The following RIPK4 variants were observed in gnomAD, a reference collection of about 807,000 sequenced individuals.
RIPK4 encodes the protein receptor interacting serine/threonine kinase 4.
A neutral mutation model predicts 42.9 loss-of-function variants in RIPK4; 17 were observed. The observed-to-expected ratio is 0.40, with a 90% CI of 0.27 to 0.59. RIPK4 has a LOEUF of 0.59. Among genes scored for constraint, RIPK4 ranks in the 20% least tolerant of loss-of-function variants. The pLI, the probability that RIPK4 is intolerant of heterozygous loss-of-function variation, is 0.47. For missense variants in RIPK4, 897 were observed against 1,104.4 expected, an observed-to-expected ratio of 0.81 and a Z score of 2.66; for synonymous variants, 498 against 499.1, an observed-to-expected ratio of 1.00 and a Z score of 0.03.
At chr21:41,762,388 T>C (rs2061223292) in intron 1 of RIPK4, among the ~76,000 whole-genome samples, 1 of 152,100 alleles carries the variant, frequency 6.6e-6, no homozygotes, top group African/African-American at 2.4e-5. Flanking sequence ...CCTCAGAAAC[T>C]TTCCACACTG....
Position 41,755,380 on chromosome 21 carries a change from C to T in RIPK4, c.474+1145G>A, listed in dbSNP as rs2061200236. Among the ~76,000 whole-genome samples the T allele has an allele frequency of 6.6e-6, 1 of 152,200 alleles. No homozygotes were observed. The highest frequency in any genetic ancestry group is 1.5e-5 in the Non-Finnish European group (1 of 68,032). On this transcript the variant is annotated intron_variant, in intron 2 of 7. Transcript: ENST00000332512. This position sits in a 1 kb window ranked among gnomAD's most constrained non-coding sequence, Gnocchi z 4.2. ...GAAAAATTGACCTCCTCACCACCGC[C>T]CTGGCTGAGCAAGGCACGCGAGATG...
At chr21:41,766,723 C>A in intron 1 of RIPK4, 137 bp downstream of exon 1, 2 of 931,426 alleles carry the variant, frequency 2.1e-6, no homozygotes, top group Non-Finnish European at 3.1e-6. Flanking sequence ...CGCGGCCTCG[C>A]CGGCAATTGG....
At chr21:41,749,226 T>C in intron 3 of RIPK4, 23 bp from the exon 4 acceptor site, 1 of 1,613,396 alleles carries the variant, frequency 6.2e-7, no homozygotes, top group Admixed American at 1.7e-5. Flanking sequence ...CCAGGCACGT[T>C]AGCATCTGAC....
intron 3 of RIPK4, among the ~76,000 whole-genome samples, chr21:41,750,707 T>G (rs912438533): frequency 1.5e-4 from 23 of 152,190 alleles, no homozygotes; most frequent in African/African-American, 4.8e-4. Flanking sequence ...TTAGACAGGG[T>G]CGCGCTCTGT....
Position 41,751,962 on chromosome 21 carries a change from C to A in RIPK4, c.475-717G>T, listed in dbSNP as rs1356565170. 6.6e-6 allele frequency among the ~76,000 whole-genome samples: 1 copy of A among 152,100 alleles called. No homozygotes were observed. The highest frequency in any genetic ancestry group is 1.5e-5 in the Non-Finnish European group (1 of 68,000). ...CTCCTCCAGGAATGCCCTCAACGTC[C>A]GCATTCAGGGGAGGCAGGTCTCAGG... On this transcript the variant is annotated intron_variant, in intron 2 of 7. Transcript: ENST00000332512. This position sits in a 1 kb window ranked among gnomAD's most constrained non-coding sequence, Gnocchi z 4.5.
chr21:41,743,570 C>T lies in RIPK4; in HGVS notation c.1195+312G>A, dbSNP rs755182308. Among the ~76,000 whole-genome samples the T allele has an allele frequency of 3.3e-4, 51 of 152,302 alleles. 1 individual carries two copies. The highest frequency in any genetic ancestry group is 1.9e-3 in the Admixed American group (29 of 15,298). ...CGCCAGGGAGTGGGGCTCGGCTACT[C>T]GCCAGGCTCACTGCACTGGAGGGGG... On this transcript the variant is annotated intron_variant, in intron 7 of 7. Transcript: ENST00000332512.
chr21:41,754,408 T>C (rs1002206479), intron 2 of RIPK4, among the ~76,000 whole-genome samples: 1 of 152,228 alleles, frequency 6.6e-6, no homozygotes, highest in African/African-American at 2.4e-5. Context: ...AAAAGCAATC[T>C]TTCCTGCGGC....
chr21:41,762,004 CAACA>C (rs1270550200), intron 1 of RIPK4, among the ~76,000 whole-genome samples: 1 of 152,086 alleles, frequency 6.6e-6, no homozygotes, highest in Non-Finnish European at 1.5e-5. Context: ...TTAAAAGAAA[CAACA>C]AACAAACAAA....
At chr21:41,765,484 A>G (rs1351484848) in intron 1 of RIPK4, among the ~76,000 whole-genome samples, 1 of 152,226 alleles carries the variant, frequency 6.6e-6, no homozygotes, top group African/African-American at 2.4e-5. Flanking sequence ...AGCCACCACT[A>G]TCTCTGCTGT....
rs144324321 is a variant in RIPK4, at chr21:41,745,774, C to T, written c.921G>A (p.Pro307=). ...TAHDLDVKSP[P]EPRSEVVPAR... is the part of the protein sequence containing the mutation. ...GACTCGTTACCTCGCTCCTGGGCTC[C>T]GGGGGGCTTTTCACGTCCAGATCAT... Residue 307 remains proline, a synonymous_variant, in exon 6 of 8, where the codon CCG becomes CCA. Transcript: ENST00000332512. 3.7e-5 allele frequency: 60 copies of T among 1,613,910 alleles called. No homozygotes were observed. The highest frequency in any genetic ancestry group is 1.7e-4 in the Middle Eastern group (1 of 6,060).
Position 41,751,470 on chromosome 21 carries a change from G to A in RIPK4, c.475-225C>T, listed in dbSNP as rs73369689. On this transcript the variant is annotated intron_variant, in intron 2 of 7. Transcript: ENST00000332512. This position sits in a 1 kb window ranked among gnomAD's most constrained non-coding sequence, Gnocchi z 4.5. Reference sequence around the variant, plus strand: ...AGGCATTAGGAGCAGCACATTTGACGGGCAGGTGAAAGAATCGTACTGTAA... The same window carrying A: ...AGGCATTAGGAGCAGCACATTTGACAGGCAGGTGAAAGAATCGTACTGTAA... 0.017 allele frequency among the ~76,000 whole-genome samples: 2,537 copies of A among 152,336 alleles called. 57 individuals are homozygous for A. Among genetic ancestry groups the A allele is most frequent in the African/African-American group, 0.057 (2,374 of 41,588 alleles).
rs1295481772 is a variant in RIPK4 at position 41,751,245 on chromosome 21, T to C, written c.475A>G (p.Ile159Val). ...CACTTGGCCAGACCAAAATCAGAAA[T>C]CTGCAACACAGCCATCAGAGCGGGG... ...ILLDAHYHVKISDFGLAKCNG... is the reference protein window; with the variant it reads ...ILLDAHYHVKVSDFGLAKCNG... The change falls in exon 3 of 8, where the codon ATT (isoleucine) becomes GTT (valine). Residue 159 changes from isoleucine (I) to valine (V), a missense_variant and splice_region_variant. Physicochemically the swap from Ile to Val is conservative, Grantham distance 29. Coordinates refer to ENST00000332512, the MANE Select transcript of RIPK4 (RefSeq NM_020639.3). The surrounding 1 kb of genome is among the most constrained non-coding windows in gnomAD (Gnocchi z 4.5). The C allele has an allele frequency of 6.2e-7, 1 of 1,613,900 alleles. No homozygotes were observed. Among genetic ancestry groups the C allele is most frequent in the Non-Finnish European group, 8.5e-7 (1 of 1,179,978 alleles).
chr21:41,754,031 G>A (rs938797011), intron 2 of RIPK4, among the ~76,000 whole-genome samples: 6 of 152,196 alleles, frequency 3.9e-5, no homozygotes, highest in Admixed American at 1.3e-4. Flanking sequence ...GACAGTTGCT[G>A]TGATATTTCC....
chr21:41,764,846 C>G (rs1275375098), intron 1 of RIPK4, among the ~76,000 whole-genome samples: 1 of 152,226 alleles, frequency 6.6e-6, no homozygotes, highest in East Asian at 1.9e-4. Context: ...AAGCCCCAAC[C>G]TACTCTACCA....
At chr21:41,756,323 G>T (rs1157726190) in intron 2 of RIPK4, among the ~76,000 whole-genome samples, 1 of 152,190 alleles carries the variant, frequency 6.6e-6, no homozygotes. Context: ...CATGGCGTGT[G>T]GTTTTCATAC....
chr21:41,746,699 C>T lies in RIPK4; in HGVS notation c.746G>A (p.Arg249Lys). The T allele has an allele frequency of 6.2e-7, 1 of 1,610,784 alleles. No homozygotes were observed. Among genetic ancestry groups the T allele is most frequent in the African/African-American group, 1.3e-5 (1 of 75,068 alleles). The change falls in exon 5 of 8, where the codon AGA becomes AAA. Residue 249 changes from arginine to lysine, a missense_variant. By Grantham distance (26) the Arg-to-Lys change is conservative. Transcript: ENST00000332512. Reference protein sequence around the residue: ...GHRPELPPVCRARPRACSHLI... With the variant: ...GHRPELPPVCKARPRACSHLI... ...GTGGCTGCAGGCGCGCGGCCGGGCT[C>T]TGCACACGGGCGGCAGCTCGGGGCG...
At position 41,744,123 on chromosome 21, in the gene RIPK4, G is replaced by A. The variant is rs754407579; in HGVS notation, c.954C>T (p.Leu318=). The A allele has an allele frequency of 1.3e-6, 2 of 1,595,292 alleles. No individual in the cohort carries two copies. The highest frequency in any genetic ancestry group is 1.1e-5 in the South Asian group (1 of 89,792). ...EPRSEVVPAR[L]KRASAPTFDN... is the part of the protein sequence containing the mutation. ...CGAAGGTGGGGGCAGAGGCCCGCTT[G>A]AGCCTCGCAGGCACCACCTGCGAAG... The change falls in exon 7 of 8, where the codon CTC becomes CTT. Residue 318 remains leucine (L), a synonymous_variant. Transcript: ENST00000332512.
intron 2 of RIPK4, among the ~76,000 whole-genome samples, chr21:41,754,520 C>T (rs2061197317): frequency 6.6e-6 from 1 of 152,196 alleles, no homozygotes; most frequent in African/African-American, 2.4e-5. Flanking sequence ...AGCAGCCTCC[C>T]TGAGAAAGCA....
Position 41,755,976 on chromosome 21 carries a change from G to A in RIPK4, c.474+549C>T, listed in dbSNP as rs558747003. On this transcript the variant is annotated intron_variant, in intron 2 of 7. Transcript: ENST00000332512. This position sits in a 1 kb window ranked among gnomAD's most constrained non-coding sequence, Gnocchi z 4.2. ...CAAAAGCAAGCTCCATCTCCCAGGC[G>A]TTGCACTAACGCAACACGCTGCCAC... Among the ~76,000 whole-genome samples the A allele has an allele frequency of 8.2e-4, 125 of 152,290 alleles. No homozygotes were observed. Among genetic ancestry groups the A allele is most frequent in the African/African-American group, 2.6e-3 (110 of 41,556 alleles).
Sources: gnomAD v4.1 joint callset for allele counts (sites outside exome capture counted in the v4.1 genomes callset) on GRCh38, gnomAD v4.1.1 for gene constraint, Gnocchi (gnomAD v3.1) non-coding constraint, MANE v1.5 for transcripts, NCBI Gene and HGNC (gene_info 2026-07-23, HGNC 2026-07-21) for gene names.